The following ZNF519 variants were observed in gnomAD, a reference collection of about 807,000 sequenced individuals.
ZNF519 encodes the protein zinc finger protein 519.
A neutral mutation model predicts 7.4 loss-of-function variants in ZNF519; 7 were observed. The ratio of observed to expected loss-of-function variants is 0.94; its 90% CI spans 0.54 to 1.77. The LOEUF is 1.77. Ranked by LOEUF, ZNF519 falls within the 40% of genes most tolerant of loss-of-function variation. The pLI is 0.00. For synonymous variants in ZNF519, 179 were observed against 203.3 expected (o/e 0.88, Z 1.02); for missense variants, 586 against 623.1 (o/e 0.94, Z 0.63).
At chr18:14,083,580 T>C (rs946830673) in intron 3 of ZNF519, among the ~76,000 whole-genome samples, 6 of 152,116 alleles carry the variant, frequency 3.9e-5, no homozygotes, top group Admixed American at 3.3e-4. Context: ...CTCGATGATA[T>C]CAATTTTTGA....
chr18:14,114,892 T>G (rs959825080), intron 2 of ZNF519, among the ~76,000 whole-genome samples: 1 of 152,152 alleles, frequency 6.6e-6, no homozygotes, highest in African/African-American at 2.4e-5. Context: ...TACTTCAAAA[T>G]ATCTCATGTA....
At chr18:14,089,068 A>C (rs1366197812) in intron 2 of ZNF519, among the ~76,000 whole-genome samples, 1 of 152,190 alleles carries the variant, frequency 6.6e-6, no homozygotes, top group Admixed American at 6.5e-5. Context: ...AACATGAAAG[A>C]AGCAAAACTT....
intron 2 of ZNF519, among the ~76,000 whole-genome samples, chr18:14,093,104 C>T (rs796139437): frequency 1.3e-5 from 2 of 152,148 alleles, no homozygotes; most frequent in Admixed American, 6.5e-5. Context: ...TTCTCAAGAA[C>T]GTGACAGGCA....
intron 2 of ZNF519, among the ~76,000 whole-genome samples, chr18:14,116,358 C>T (rs1001879244): frequency 2.6e-5 from 4 of 151,992 alleles, no homozygotes; most frequent in African/African-American, 9.7e-5. Flanking sequence ...CCATTGATGG[C>T]CCAAACATTC....
chr18:14,117,777 G>GT (rs1466637086), intron 2 of ZNF519, among the ~76,000 whole-genome samples: 2 of 152,100 alleles, frequency 1.3e-5, no homozygotes, highest in Non-Finnish European at 2.9e-5. Flanking sequence ...CAGAGTGAGG[G>GT]TGGGGGTGCC....
At chr18:14,131,861 C>G (rs1292128081) in intron 1 of ZNF519, among the ~76,000 whole-genome samples, 4 of 152,198 alleles carry the variant, frequency 2.6e-5, no homozygotes, top group Non-Finnish European at 5.9e-5. Flanking sequence ...CATTGCTGAG[C>G]GCTGTCCCAT....
rs2046190255 is a variant in ZNF519 at position 14,106,122 on chromosome 18, T to C, written c.418A>G (p.Ile140Val). Reference protein sequence around the residue: ...FLSAAPTEPCIPMNKYQHKFL... With the variant: ...FLSAAPTEPCVPMNKYQHKFL... ...TTATGTTGATATTTATTCATAGGAA[T>C]ACATGGTTCTGTAGGAGCAGCTGAC... The change falls in exon 3 of 3, where the codon ATT (isoleucine) becomes GTT (valine). Residue 140 changes from isoleucine to valine, a missense_variant. By Grantham distance (29) the Ile-to-Val change is conservative. Transcript: ENST00000590202. 6.2e-7 allele frequency: 1 copy of C among 1,610,880 alleles called. No homozygotes were observed. Among genetic ancestry groups the C allele is most frequent in the Non-Finnish European group, 8.5e-7 (1 of 1,179,288 alleles).
intron 2 of ZNF519, among the ~76,000 whole-genome samples, chr18:14,119,004 T>C (rs2046258508): frequency 6.6e-6 from 1 of 152,134 alleles, no homozygotes; most frequent in Non-Finnish European, 1.5e-5. Context: ...AACCCTACCC[T>C]AGTGCCTGCT....
downstream of ZNF519, chr18:14,073,242 A>ATTTATTTATT (rs1555628622): frequency 1.4e-4 from 21 of 146,588 alleles, no homozygotes; most frequent in Non-Finnish European, 3.0e-4. Flanking sequence ...TTTTATTTTT[A>ATTTATTTATT]TATTTATTTA....
downstream of ZNF519, chr18:14,074,340 T>C (rs1025137154): frequency 6.6e-6 from 1 of 152,092 alleles, no homozygotes; most frequent in African/African-American, 2.4e-5. Flanking sequence ...AACAACTAAG[T>C]ATTGAGCTCT....
At position 14,103,496 on chromosome 18, in the gene ZNF519, G is replaced by A. The variant is rs1363185424; in HGVS notation, c.*1421C>T. The A allele has an allele frequency of 2.6e-5, 4 of 152,076 alleles. No individual in the cohort carries two copies. The East Asian group carries it at 5.8e-4, about 22-fold the overall frequency. The allele number at this position is 152,076 out of a possible 1,614,324, so 9.4% of individuals were successfully genotyped here. A position where few individuals can be genotyped will look rare whatever the true frequency, so the allele number is the denominator to read the frequency against. On this transcript the variant is annotated 3_prime_UTR_variant, in exon 3 of 3. Transcript: ENST00000590202. ...AAAATATTTTCAGATAAATGAAAATGAAGTTATGACATATCGAAACATGAG... is the reference window on the plus strand; with the variant it reads ...AAAATATTTTCAGATAAATGAAAATAAAGTTATGACATATCGAAACATGAG...
chr18:14,109,319 C>T (rs12964074), intron 2 of ZNF519, among the ~76,000 whole-genome samples: 40,888 of 151,806 alleles, frequency 0.27, 6,031 homozygotes, highest in South Asian at 0.38. Context: ...GACAGAAAAA[C>T]CAACGAAGAA....
chr18:14,107,068 G>C (rs1187055126), intron 2 of ZNF519, among the ~76,000 whole-genome samples: 1 of 152,050 alleles, frequency 6.6e-6, no homozygotes, highest in African/African-American at 2.4e-5. Context: ...TGCTGAACTG[G>C]GCTTAGAGCC....
intron 2 of ZNF519, among the ~76,000 whole-genome samples, chr18:14,113,876 G>C (rs1181911658): frequency 2.0e-5 from 3 of 151,992 alleles, no homozygotes; most frequent in African/African-American, 7.3e-5. Flanking sequence ...ATTTTGATTT[G>C]CATTTCTCTG....
chr18:14,100,017 C>G lies in ZNF519; in HGVS notation c.*4900G>C, dbSNP rs2046152666. The G allele has an allele frequency of 6.6e-6, 1 of 152,056 alleles. No homozygotes were observed. The highest frequency in any genetic ancestry group is 1.5e-5 in the Non-Finnish European group (1 of 68,014). 9.4% of individuals were successfully genotyped at this position (152,056 alleles called of 1,614,324 possible). A position where few individuals can be genotyped will look rare whatever the true frequency, so the allele number is the denominator to read the frequency against. Reference sequence around the variant, plus strand: ...ATATAAACAGAACTCTCAAAACTTGCAAGAAAACAAATACAATTAGAAAAC... The same window carrying G: ...ATATAAACAGAACTCTCAAAACTTGGAAGAAAACAAATACAATTAGAAAAC... On this transcript the variant is annotated 3_prime_UTR_variant, in exon 3 of 3. Transcript: ENST00000590202.
intron 2 of ZNF519, among the ~76,000 whole-genome samples, chr18:14,115,053 T>A (rs112599841): frequency 1.6e-4 from 24 of 152,342 alleles, no homozygotes; most frequent in African/African-American, 5.3e-4. Context: ...TAACACCACG[T>A]TGATCACATT....
chr18:14,086,095 A>T (rs550729773), intron 2 of ZNF519, among the ~76,000 whole-genome samples: 1 of 152,266 alleles, frequency 6.6e-6, no homozygotes, highest in East Asian at 1.9e-4. Flanking sequence ...CAGTGCAAAG[A>T]GTGACTCCAC....
At chr18:14,117,342 T>C (rs1292640636) in intron 2 of ZNF519, among the ~76,000 whole-genome samples, 1 of 152,202 alleles carries the variant, frequency 6.6e-6, no homozygotes, top group Non-Finnish European at 1.5e-5. Flanking sequence ...TTCTAGTCTT[T>C]AGAAAAATGT....
At chr18:14,081,883 A>T (rs903650527) in intron 3 of ZNF519, among the ~76,000 whole-genome samples, 20 of 152,156 alleles carry the variant, frequency 1.3e-4, no homozygotes, top group African/African-American at 4.3e-4. Context: ...ATTAAGGGTA[A>T]ATGTTCTTAA....
Sources: allele counts gnomAD v4.1 joint callset (sites outside exome capture counted in the v4.1 genomes callset), GRCh38; gene constraint gnomAD v4.1.1; transcripts MANE v1.5; gene names NCBI Gene and HGNC (gene_info 2026-07-23, HGNC 2026-07-21).